Variants in H6PD observed in about 807,000 individuals in gnomAD.
H6PD encodes the protein hexose-6-phosphate dehydrogenase/glucose 1-dehydrogenase.
H6PD carries 48 observed loss-of-function variants against 61.2 expected under a neutral mutation model. The observed-to-expected ratio is 0.78, with a 90% CI of 0.62 to 1.00. H6PD has a LOEUF of 1.00. Among genes scored for constraint, H6PD ranks in the 50% least tolerant of loss-of-function variants. The pLI, the probability that H6PD is intolerant of heterozygous loss-of-function variation, is 0.00. For synonymous variants in H6PD, 480 were observed against 457.9 expected, an observed-to-expected ratio of 1.05 and a Z score of -0.62; for missense variants, 1,093 against 1,065.0, an observed-to-expected ratio of 1.03 and a Z score of -0.37.
chr1:9,240,698 T>G (rs1398317971), intron 1 of H6PD, among the ~76,000 whole-genome samples: 1 of 152,230 alleles, frequency 6.6e-6, no homozygotes, highest in East Asian at 1.9e-4. Flanking sequence ...CAGAAGTGAT[T>G]CGTAGTTGGA....
rs1276614908 is a variant in H6PD at position 9,269,437 on chromosome 1, C to T, written c.*4568C>T. 1.3e-5 allele frequency: 2 copies of T among 152,284 alleles called. No homozygotes were observed. Among genetic ancestry groups the T allele is most frequent in the Non-Finnish European group, 2.9e-5 (2 of 68,076 alleles). The allele number at this position is 152,284 out of a possible 1,614,324, so 9.4% of individuals were successfully genotyped here. On this transcript the variant is annotated 3_prime_UTR_variant, in exon 5 of 5. Transcript: ENST00000377403. This position sits in a 1 kb window ranked among gnomAD's most constrained non-coding sequence, Gnocchi z 4.3. The stretch of plus-strand genomic sequence containing the variant: ...CGAAGCAGTGATGCAGTGTCAACCT[C>T]CCAGCTGGTGCCACTCTGCCCTCGG...
chr1:9,244,891 C>T (rs1351413054), intron 1 of H6PD, 34 bp from the exon 2 acceptor site: 4 of 1,606,866 alleles, frequency 2.5e-6, no homozygotes, highest in African/African-American at 2.7e-5. Flanking sequence ...TCTGATCCTT[C>T]CTTGTTCCTC....
intron 1 of H6PD, among the ~76,000 whole-genome samples, chr1:9,244,254 A>T (rs1198727095): frequency 6.6e-6 from 1 of 152,200 alleles, no homozygotes; most frequent in African/African-American, 2.4e-5. Flanking sequence ...TCCTTATAAC[A>T]ACTCTGTGCT....
At chr1:9,247,650 C>G (rs1248540328) in intron 3 of H6PD, among the ~76,000 whole-genome samples, 6 of 152,192 alleles carry the variant, frequency 3.9e-5, no homozygotes, top group African/African-American at 1.4e-4. Context: ...CTTCTGCCAG[C>G]CTGTAGGCTC....
At chr1:9,235,947 T>G (rs529214506) in intron 1 of H6PD, among the ~76,000 whole-genome samples, 65 of 152,280 alleles carry the variant, frequency 4.3e-4, no homozygotes, top group Non-Finnish European at 8.5e-4. Flanking sequence ...TCCCTTTAAT[T>G]TTTCATCATT....
intron 4 of H6PD, among the ~76,000 whole-genome samples, chr1:9,262,964 G>A (rs2100394443): frequency 6.6e-6 from 1 of 152,260 alleles, no homozygotes; most frequent in South Asian, 2.1e-4. Flanking sequence ...TGGAACTTGG[G>A]CATGGAATAC....
intron 1 of H6PD, among the ~76,000 whole-genome samples, chr1:9,238,172 G>A (rs1165357366): frequency 6.6e-6 from 1 of 152,170 alleles, no homozygotes; most frequent in African/African-American, 2.4e-5. Flanking sequence ...TGGACCTGGT[G>A]GGGGACATGG....
intron 3 of H6PD, among the ~76,000 whole-genome samples, chr1:9,253,123 G>GAGGT (rs1187779119): frequency 6.6e-6 from 1 of 152,156 alleles, no homozygotes; most frequent in African/African-American, 2.4e-5. Flanking sequence ...TCTTCCCAGG[G>GAGGT]AGGTGCCAGG....
chr1:9,244,589 C>T (rs560758958), intron 1 of H6PD, among the ~76,000 whole-genome samples: 120 of 152,340 alleles, frequency 7.9e-4, no homozygotes, highest in Non-Finnish European at 1.3e-3. Context: ...TGGCCTTGGT[C>T]ATAAAATGGA....
intron 3 of H6PD, among the ~76,000 whole-genome samples, chr1:9,252,849 C>T (rs938078171): frequency 6.6e-6 from 1 of 152,120 alleles, no homozygotes; most frequent in Non-Finnish European, 1.5e-5. Context: ...TGACCTTGGA[C>T]GAGCTCTGGA....
At chr1:9,244,621 G>T (rs1479313328) in intron 1 of H6PD, among the ~76,000 whole-genome samples, 3 of 152,174 alleles carry the variant, frequency 2.0e-5, no homozygotes, top group South Asian at 2.1e-4. Context: ...CCAGGCCTGC[G>T]GCCCTCCCTG....
rs1035840221 is a variant in H6PD at position 9,245,842 on chromosome 1, C to T, written c.627+281C>T. Among the ~76,000 whole-genome samples, 1 of 152,172 alleles carries T rather than the reference C, an allele frequency of 6.6e-6. No homozygotes were observed. The highest frequency in any genetic ancestry group is 2.1e-4 in the South Asian group (1 of 4,820). ...TGGGCTCTGGCTTCTCACGGTTGCC[C>T]TGCATCCCCTGTAGCGGTGGCTCAG... On this transcript the variant is annotated intron_variant, in intron 2 of 4. Transcript: ENST00000377403. This position sits in a 1 kb window ranked among gnomAD's most constrained non-coding sequence, Gnocchi z 4.8.
Position 9,254,837 on chromosome 1 carries a change from C to T in H6PD, c.746-7222C>T, listed in dbSNP as rs1641467029. Among the ~76,000 whole-genome samples the T allele has an allele frequency of 6.6e-6, 1 of 152,146 alleles. No individual in the cohort carries two copies. The highest frequency in any genetic ancestry group is 2.4e-5 in the African/African-American group (1 of 41,416). On this transcript the variant is annotated intron_variant, in intron 3 of 4. Coordinates refer to ENST00000377403, the MANE Select transcript of H6PD (RefSeq NM_004285.4). The surrounding 1 kb of genome is among the most constrained non-coding windows in gnomAD (Gnocchi z 4.6). The stretch of plus-strand genomic sequence containing the variant: ...ACATGTTCATCACGGCAAAGGAAGC[C>T]CTGTACCCCTTCGTTGTCATCCCAC...
intron 1 of H6PD, among the ~76,000 whole-genome samples, chr1:9,241,775 T>C (rs980735942): frequency 1.3e-5 from 2 of 152,106 alleles, no homozygotes; most frequent in Non-Finnish European, 2.9e-5. Flanking sequence ...AATGCTTCCT[T>C]CTTCTGCTTG....
At chr1:9,238,063 G>A (rs1362923995) in intron 1 of H6PD, among the ~76,000 whole-genome samples, 1 of 152,134 alleles carries the variant, frequency 6.6e-6, no homozygotes, top group Non-Finnish European at 1.5e-5. Flanking sequence ...AGGAGAGGAG[G>A]ATGGGGGTGG....
intron 3 of H6PD, among the ~76,000 whole-genome samples, chr1:9,259,740 G>A (rs1213928840): frequency 1.3e-5 from 2 of 151,676 alleles, no homozygotes; most frequent in Non-Finnish European, 2.9e-5. Flanking sequence ...TGTTACACCG[G>A]TGTTATGTTG....
chr1:9,262,397 A>G, intron 4 of H6PD, 69 bp downstream of exon 4: 1 of 1,429,742 alleles, frequency 7.0e-7, no homozygotes, highest in Non-Finnish European at 9.6e-7. Context: ...CCAAATGCAG[A>G]CGCCCTTGGG....
chr1:9,237,522 T>C (rs1292079765), intron 1 of H6PD, among the ~76,000 whole-genome samples: 2 of 152,286 alleles, frequency 1.3e-5, no homozygotes, highest in South Asian at 4.1e-4. Flanking sequence ...CGTAAGCCAC[T>C]GCGCCTGGCC....
chr1:9,245,710 G>A lies in H6PD; in HGVS notation c.627+149G>A, dbSNP rs572611001. ...GTCTCCTTGAAGGTGGGCAGGAGGC[G>A]AGCGGGTAAAGGAAAGACAGCAGCA... On this transcript the variant is annotated intron_variant, in intron 2 of 4. Transcript: ENST00000377403. The surrounding 1 kb of genome is among the most constrained non-coding windows in gnomAD (Gnocchi z 4.8). 36 of 803,604 alleles carry A rather than the reference G, an allele frequency of 4.5e-5. No individual in the cohort carries two copies. Among genetic ancestry groups the A allele is most frequent in the Middle Eastern group, 3.2e-4 (1 of 3,090 alleles). 49.8% of individuals were successfully genotyped at this position (803,604 alleles called of 1,614,324 possible).
Sources: allele counts gnomAD v4.1 joint callset (sites outside exome capture counted in the v4.1 genomes callset), GRCh38; gene constraint gnomAD v4.1.1; non-coding constraint Gnocchi (gnomAD v3.1); transcripts MANE v1.5; gene names NCBI Gene and HGNC (gene_info 2026-07-23, HGNC 2026-07-21).